PDE6B: variants seen among roughly 807,000 people sequenced by gnomAD.
PDE6B encodes the protein phosphodiesterase 6B, also known as rod cGMP-specific 3',5'-cyclic phosphodiesterase subunit beta.
In PDE6B, 106 loss-of-function variants were observed where a neutral mutation model predicts 109.0. That is an observed-to-expected ratio of 0.97 (90% CI 0.83 to 1.14). PDE6B has a LOEUF of 1.14. Ranked by LOEUF, PDE6B falls within the 50% of genes most tolerant of loss-of-function variation. The pLI is 0.00. For synonymous variants in PDE6B, 490 were observed against 471.3 expected, an observed-to-expected ratio of 1.04 and a Z score of -0.51; for missense variants, 1,193 against 1,155.6, an observed-to-expected ratio of 1.03 and a Z score of -0.47.
intron 20 of PDE6B, among the ~76,000 whole-genome samples, chr4:667,242 AAGG>A (rs1737901411): frequency 6.6e-6 from 1 of 152,064 alleles, no homozygotes; most frequent in Non-Finnish European, 1.5e-5. Context: ...TCCACGCCCC[AAGG>A]AGGATGCCAC....
Position 637,315 on chromosome 4 carries a change from C to T in PDE6B, c.711+1346C>T, listed in dbSNP as rs114597478. Among the ~76,000 whole-genome samples, 911 of 151,994 alleles carry T rather than the reference C, an allele frequency of 6.0e-3. 10 individuals are homozygous for T. Among genetic ancestry groups the T allele is most frequent in the African/African-American group, 0.021 (867 of 41,468 alleles). ...GGGCTCGCTACAACCTCTGCCCCCC[C>T]GGTTCAAACGATTTCCTGCCTCAGC... On this transcript the variant is annotated intron_variant, in intron 3 of 21. Transcript: ENST00000496514.
At position 657,208 on chromosome 4, in the gene PDE6B, C is replaced by T. The variant is rs1215514547; in HGVS notation, c.1258-143C>T. 6.9e-5 allele frequency: 79 copies of T among 1,148,800 alleles called. 2 individuals are homozygous for T. The highest frequency in any genetic ancestry group is 5.1e-4 in the East Asian group (20 of 39,368). 71.2% of individuals were successfully genotyped at this position (1,148,800 alleles called of 1,614,324 possible). A position where few individuals can be genotyped will look rare whatever the true frequency, so the allele number is the denominator to read the frequency against. ...GGAGCAGGAGCCTCTGCAGAGCACC[C>T]GGGAGACCCCACACAGAAGCACTGC... On this transcript the variant is annotated intron_variant, in intron 9 of 21. Transcript: ENST00000496514.
chr4:657,232 G>A (rs1214823339), intron 9 of PDE6B, 119 bp from the exon 10 acceptor site: 7 of 1,274,608 alleles, frequency 5.5e-6, no homozygotes, highest in African/African-American at 1.5e-5. Flanking sequence ...CAGAAGCACT[G>A]CGACACCATG....
At chr4:634,633 CA>C in intron 1 of PDE6B, 43 bp from the exon 2 acceptor site, 1 of 1,551,022 alleles carries the variant, frequency 6.4e-7, no homozygotes, top group African/African-American at 1.4e-5. Context: ...GCTCCAGGCC[CA>C]CGGTGCGACA....
At chr4:669,973 C>A in intron 21 of PDE6B, 73 bp from the exon 22 acceptor site, 2 of 1,294,436 alleles carry the variant, frequency 1.5e-6, no homozygotes, top group Non-Finnish European at 1.1e-6. Flanking sequence ...AGAGGTCACA[C>A]CAGGCAGGAG....
chr4:630,152 G>A (rs567284472), intron 1 of PDE6B, among the ~76,000 whole-genome samples: 2 of 152,322 alleles, frequency 1.3e-5, no homozygotes, highest in South Asian at 2.1e-4. Flanking sequence ...AATCTTCACC[G>A]ACAGACACAC....
intron 3 of PDE6B, among the ~76,000 whole-genome samples, chr4:641,581 C>T (rs1560108187): frequency 6.6e-6 from 1 of 152,220 alleles, no homozygotes; most frequent in Non-Finnish European, 1.5e-5. Context: ...GTCCCAGCTC[C>T]TGGGGGACCC....
chr4:626,240 TAG>T lies in PDE6B; in HGVS notation c.468+149_468+150del. 1.6e-6 allele frequency: 1 copy of T among 620,116 alleles called. No individual in the cohort carries two copies. The highest frequency in any genetic ancestry group is 2.9e-6 in the Non-Finnish European group (1 of 350,108). The allele number at this position is 620,116 out of a possible 1,614,324, so 38.4% of individuals were successfully genotyped here. On this transcript the variant is annotated intron_variant, in intron 1 of 21. Transcript: ENST00000496514. The surrounding 1 kb of genome is among the most constrained non-coding windows in gnomAD (Gnocchi z 4.6). ...AGTTCTGTGCTGAGGAGCAAGTACCTAGAGCCCCCTCCCGGCACTGTGCCCTG... is the reference window on the plus strand; with the variant it reads ...AGTTCTGTGCTGAGGAGCAAGTACCTAGCCCCCTCCCGGCACTGTGCCCTG...
At chr4:629,708 C>T (rs941848278) in intron 1 of PDE6B, among the ~76,000 whole-genome samples, 4 of 152,194 alleles carry the variant, frequency 2.6e-5, no homozygotes, top group African/African-American at 9.6e-5. Context: ...AGAACACGGG[C>T]TGGGTGGGAA....
At chr4:654,993 A>G in intron 6 of PDE6B, 105 bp downstream of exon 6, 1 of 800,488 alleles carries the variant, frequency 1.2e-6, no homozygotes, top group Admixed American at 1.8e-5. Flanking sequence ...CGGTGCAGTC[A>G]GCAGCACCGG....
In PDE6B at chr4:653,211, G is replaced by A. The variant is rs147445903; in HGVS notation, c.712-641G>A. ...GAGGAGAGGGAGCTGGCACCATGCGGTAGAAGACCCAGCGGCCGCCGCGAG... is the reference window on the plus strand; with the variant it reads ...GAGGAGAGGGAGCTGGCACCATGCGATAGAAGACCCAGCGGCCGCCGCGAG... On this transcript the variant is annotated intron_variant, in intron 3 of 21. Coordinates refer to ENST00000496514, the MANE Select transcript of PDE6B (RefSeq NM_000283.4). 353 of 1,009,454 alleles carry A rather than the reference G, an allele frequency of 3.5e-4. No individual in the cohort carries two copies. In the African/African-American group the frequency reaches 5.8e-3, roughly 17 times the overall value. The allele number at this position is 1,009,454 out of a possible 1,614,324, so 62.5% of individuals were successfully genotyped here. A position where few individuals can be genotyped will look rare whatever the true frequency, so the allele number is the denominator to read the frequency against.
intron 21 of PDE6B, among the ~76,000 whole-genome samples, chr4:669,513 A>T (rs1182966401): frequency 9.9e-6 from 1 of 101,244 alleles, no homozygotes. Context: ...TATTCCCACT[A>T]CCCCATGCTA....
chr4:663,587 T>A lies in PDE6B; in HGVS notation c.1921-183T>A, dbSNP rs1442208105. The A allele has an allele frequency of 6.3e-6, 4 of 633,768 alleles. No individual in the cohort carries two copies. The East Asian group carries it at 8.2e-5, about 13-fold the overall frequency. The allele number at this position is 633,768 out of a possible 1,614,324, so 39.3% of individuals were successfully genotyped here. ...CGTCCCAAGCCGACGATGGAGCCGCTGGTGGAGAGCTGGGCACCCTGAGGA... is the reference window on the plus strand; with the variant it reads ...CGTCCCAAGCCGACGATGGAGCCGCAGGTGGAGAGCTGGGCACCCTGAGGA... On this transcript the variant is annotated intron_variant, in intron 15 of 21. Coordinates refer to ENST00000496514, the MANE Select transcript of PDE6B (RefSeq NM_000283.4). The surrounding 1 kb of genome is among the most constrained non-coding windows in gnomAD (Gnocchi z 4.0).
In PDE6B at chr4:643,032, G is replaced by A. The variant is rs534169923; in HGVS notation, c.711+7063G>A. On this transcript the variant is annotated intron_variant, in intron 3 of 21. Coordinates refer to ENST00000496514, the MANE Select transcript of PDE6B (RefSeq NM_000283.4). ...TTAAGAATTTTGGCATCTATAAGCC[G>A]GGTGTGGTGGCTCACACCTATAATC... 1.1e-4 allele frequency among the ~76,000 whole-genome samples: 16 copies of A among 152,158 alleles called. No homozygotes were observed. In the South Asian group the frequency reaches 1.7e-3, roughly 16 times the overall value.
chr4:664,105 T>C lies in PDE6B; in HGVS notation c.2022-9T>C. ...TCCCACCTGCACCTCCCTTGTTCCCTGGGTTCAGGAAGAGAGCGATGTTTC... is the reference window on the plus strand; with the variant it reads ...TCCCACCTGCACCTCCCTTGTTCCCCGGGTTCAGGAAGAGAGCGATGTTTC... On this transcript the variant is annotated splice_polypyrimidine_tract_variant and intron_variant, in intron 16 of 21. Transcript: ENST00000496514. The C allele has an allele frequency of 6.3e-7, 1 of 1,582,054 alleles. No homozygotes were observed. Among genetic ancestry groups the C allele is most frequent in the South Asian group, 1.1e-5 (1 of 90,488 alleles).
chr4:631,226 A>G (rs1734368142), intron 1 of PDE6B, among the ~76,000 whole-genome samples: 1 of 152,220 alleles, frequency 6.6e-6, no homozygotes. Context: ...CTGTTCCCAT[A>G]CTTTCTTTGT....
chr4:652,507 T>C, intron 3 of PDE6B: 1 of 985,054 alleles, frequency 1.0e-6, no homozygotes, highest in Non-Finnish European at 1.2e-6. Flanking sequence ...TCAGCCGCGC[T>C]GTGTGGCGGC....
intron 17 of PDE6B, among the ~76,000 whole-genome samples, chr4:664,434 C>T (rs1737543761): frequency 6.6e-6 from 1 of 152,206 alleles, no homozygotes; most frequent in African/African-American, 2.4e-5. Flanking sequence ...ACAGGCCCTG[C>T]ATTGGTCTGT....
intron 21 of PDE6B, 117 bp from the exon 22 acceptor site, chr4:669,929 C>A: frequency 2.3e-6 from 2 of 854,434 alleles, no homozygotes; most frequent in Non-Finnish European, 4.1e-6. Flanking sequence ...TGGTCACAGA[C>A]CCAGGTGCTG....
Sources: allele counts gnomAD v4.1 joint callset (sites outside exome capture counted in the v4.1 genomes callset), GRCh38; gene constraint gnomAD v4.1.1; non-coding constraint Gnocchi (gnomAD v3.1); transcripts MANE v1.5; gene names NCBI Gene and HGNC (gene_info 2026-07-23, HGNC 2026-07-21).